The following RREB1 variants were observed in gnomAD, a reference collection of about 807,000 sequenced individuals.
RREB1 encodes ras-responsive element-binding protein 1.
Under a neutral mutation model 117.8 loss-of-function variants are expected in RREB1, and 27 were observed. The ratio of observed to expected loss-of-function variants is 0.23; its 90% confidence interval spans 0.17 to 0.32. RREB1 has a LOEUF of 0.32. Among genes scored for constraint, RREB1 ranks in the 10% least tolerant of loss-of-function variants. The probability of loss-of-function intolerance (pLI) is 1.00; values close to 1 mark genes in which losing one functional copy is unlikely to be tolerated. For missense variants in RREB1, 2,577 were observed against 2,378.2 expected (o/e 1.08, Z -1.74); for synonymous variants, 1,298 against 1,026.7 (o/e 1.26, Z -5.05).
intron 8 of RREB1, among the ~76,000 whole-genome samples, chr6:7,222,372 A>C (rs1426195749): frequency 6.6e-6 from 1 of 152,114 alleles, no homozygotes; most frequent in Non-Finnish European, 1.5e-5. Context: ...CATAGCCGGC[A>C]GCTGAAGTGC....
intron 1 of RREB1, among the ~76,000 whole-genome samples, chr6:7,162,380 C>T (rs1262734211): frequency 6.6e-6 from 1 of 152,170 alleles, no homozygotes; most frequent in Non-Finnish European, 1.5e-5. Flanking sequence ...AGGCGAATCT[C>T]TTCTTCAAGC....
At chr6:7,174,092 C>T (rs905029307) in intron 1 of RREB1, among the ~76,000 whole-genome samples, 12 of 151,780 alleles carry the variant, frequency 7.9e-5, no homozygotes, top group Admixed American at 2.0e-4. Context: ...ACAACCAGAC[C>T]CAGGCTTTCT....
chr6:7,109,202 C>T (rs1392536250), intron 1 of RREB1, among the ~76,000 whole-genome samples: 2 of 151,906 alleles, frequency 1.3e-5, no homozygotes, highest in South Asian at 2.1e-4. Context: ...TTCCTCCTCC[C>T]ATCCCGGCCC....
chr6:7,123,734 C>G (rs1761783398), intron 1 of RREB1, among the ~76,000 whole-genome samples: 1 of 151,426 alleles, frequency 6.6e-6, no homozygotes, highest in Non-Finnish European at 1.5e-5. Flanking sequence ...CCTCAGCCTC[C>G]CGAGTAGCTG....
intron 1 of RREB1, among the ~76,000 whole-genome samples, chr6:7,115,325 G>A (rs1286375975): frequency 1.3e-5 from 2 of 152,016 alleles, no homozygotes; most frequent in East Asian, 1.9e-4. Flanking sequence ...TAGCCAGCAA[G>A]TGTTAACTGA....
intron 1 of RREB1, among the ~76,000 whole-genome samples, chr6:7,164,105 A>G (rs992044010): frequency 2.0e-5 from 3 of 152,140 alleles, no homozygotes; most frequent in Non-Finnish European, 2.9e-5. Flanking sequence ...GTCGCCACAC[A>G]TGCCCTGTCT....
chr6:7,130,620 C>CTT (rs150504185), intron 1 of RREB1, among the ~76,000 whole-genome samples: 1 of 143,824 alleles, frequency 7.0e-6, no homozygotes, highest in Non-Finnish European at 1.5e-5. Flanking sequence ...GTAGTCATTT[C>CTT]TTTTTTTTTT....
chr6:7,207,677 T>C (rs987505567), intron 6 of RREB1, among the ~76,000 whole-genome samples: 1 of 152,206 alleles, frequency 6.6e-6, no homozygotes, highest in Non-Finnish European at 1.5e-5. Flanking sequence ...AGGATACCTG[T>C]ACGCTGGAGA....
At chr6:7,214,691 C>T (rs1194071799) in intron 8 of RREB1, 1 of 152,220 alleles carries the variant, frequency 6.6e-6, no homozygotes, top group African/African-American at 2.4e-5. Context: ...AAATAGACAC[C>T]AGCTCCATTT....
chr6:7,230,097 G>T lies in RREB1; in HGVS notation c.1998G>T (p.Leu666=). The change falls in exon 10 of 13, where the codon CTG becomes CTT. Residue 666 remains leucine (L), a synonymous_variant. Transcript: ENST00000379938. The stretch of plus-strand genomic sequence containing the variant: ...TGCGTGCCCACGTGCGCTCCCACCT[G>T]GGCATCTCGCCATACCAGTGCAACA... ...GVLRAHVRSH[L]GISPYQCNIC... is the part of the protein sequence containing the mutation. 2.5e-6 allele frequency: 4 copies of T among 1,602,434 alleles called. No homozygotes were observed. The highest frequency in any genetic ancestry group is 3.4e-6 in the Non-Finnish European group (4 of 1,173,906).
chr6:7,161,216 A>G (rs1763644831), intron 1 of RREB1, among the ~76,000 whole-genome samples: 1 of 152,040 alleles, frequency 6.6e-6, no homozygotes, highest in African/African-American at 2.4e-5. Flanking sequence ...CACCTGGGAG[A>G]GGTCAGCCTG....
chr6:7,217,577 A>T (rs1188976630), intron 8 of RREB1: 2 of 152,316 alleles, frequency 1.3e-5, no homozygotes, highest in African/African-American at 2.4e-5. Context: ...GCTCCGTCCC[A>T]GCCTGCCGCC....
intron 6 of RREB1, among the ~76,000 whole-genome samples, chr6:7,193,808 G>A (rs767622418): frequency 5.3e-5 from 8 of 152,174 alleles, no homozygotes; most frequent in Non-Finnish European, 1.2e-4. Context: ...ATGAAGTAAG[G>A]TGTGGAATTT....
chr6:7,188,396 G>T (rs929986542), intron 5 of RREB1, among the ~76,000 whole-genome samples: 1 of 151,928 alleles, frequency 6.6e-6, no homozygotes, highest in Admixed American at 6.6e-5. Context: ...GATTACAGGC[G>T]CCCACCACCA....
chr6:7,229,816 G>A lies in RREB1; in HGVS notation c.1717G>A (p.Ala573Thr), dbSNP rs200949048. 310 of 1,610,202 alleles carry A rather than the reference G, an allele frequency of 1.9e-4. No individual in the cohort carries two copies. In the African/African-American group the frequency reaches 3.1e-3, roughly 16 times the overall value. ...GTCCAAGTCCGGGACCCAGCCCCAC[G>A]CGGCCACGCGGCTCTCCCTGCAGCA... ...LQSKSGTQPH[A>T]ATRLSLQQPR... The change falls in exon 10 of 13, where the codon GCG becomes ACG. Residue 573 changes from alanine (A) to threonine (T), a missense_variant. By Grantham distance (58) the Ala-to-Thr change is moderately conservative. Transcript: ENST00000379938. The surrounding 1 kb of genome is among the most constrained non-coding windows in gnomAD (Gnocchi z 4.5).
chr6:7,148,067 C>T (rs1288933971), intron 1 of RREB1, among the ~76,000 whole-genome samples: 1 of 152,008 alleles, frequency 6.6e-6, no homozygotes, highest in Non-Finnish European at 1.5e-5. Context: ...AATATTCAGC[C>T]GATGTGCTTG....
intron 1 of RREB1, among the ~76,000 whole-genome samples, chr6:7,144,332 C>T (rs976507744): frequency 2.6e-5 from 4 of 152,170 alleles, no homozygotes; most frequent in African/African-American, 9.7e-5. Context: ...TGTACATATA[C>T]AATTTTAATT....
rs761104833 is a variant in RREB1, at chr6:7,229,266, G to A, written c.1167G>A (p.Gln389=). Residue 389 remains glutamine, a synonymous_variant, in exon 10 of 13, where the codon CAG becomes CAA. Coordinates refer to ENST00000379938, the MANE Select transcript of RREB1 (RefSeq NM_001003699.4). The surrounding 1 kb of genome is among the most constrained non-coding windows in gnomAD (Gnocchi z 4.5). ...AGGAGCCCCTGCCGGATGACAACCAGGCAATTCAGCTCCAGACACTCAAGT... is the reference window on the plus strand; with the variant it reads ...AGGAGCCCCTGCCGGATGACAACCAAGCAATTCAGCTCCAGACACTCAAGT... The part of the protein sequence containing the change: ...PAEEPLPDDN[Q]AIQLQTLKCQ... 11 of 1,613,986 alleles carry A rather than the reference G, an allele frequency of 6.8e-6. No homozygotes were observed. Among genetic ancestry groups the A allele is most frequent in the Non-Finnish European group, 9.3e-6 (11 of 1,180,018 alleles).
chr6:7,197,622 C>T (rs569344512), intron 6 of RREB1, among the ~76,000 whole-genome samples: 6 of 152,186 alleles, frequency 3.9e-5, no homozygotes, highest in African/African-American at 9.7e-5. Context: ...GCTGAGATCA[C>T]GCCGCTGCAC....
Sources: allele counts gnomAD v4.1 joint callset (sites outside exome capture counted in the v4.1 genomes callset), GRCh38; gene constraint gnomAD v4.1.1; non-coding constraint Gnocchi (gnomAD v3.1); transcripts MANE v1.5; gene names NCBI Gene and HGNC (gene_info 2026-07-23, HGNC 2026-07-21).